The following TSPAN2 variants were observed in gnomAD, a reference collection of about 807,000 sequenced individuals.
TSPAN2 encodes tetraspanin-2.
TSPAN2 carries 24 observed loss-of-function variants against 33.3 expected under a neutral mutation model. The observed-to-expected ratio is 0.72, with a 90% confidence interval of 0.52 to 1.01. The LOEUF is 1.01. TSPAN2 is among the 50% of genes least tolerant of loss of function. TSPAN2 has a pLI of 0.00. For synonymous variants in TSPAN2, 114 were observed against 104.5 expected (o/e 1.09, Z -0.56); for missense variants, 278 against 281.3 (o/e 0.99, Z 0.08).
chr1:115,060,687 T>C, intron 3 of TSPAN2, 149 bp from the exon 4 acceptor site: 1 of 662,604 alleles, frequency 1.5e-6, no homozygotes, highest in Non-Finnish European at 2.7e-6. Context: ...ATTAGGCATT[T>C]ATTCTGCACC....
At chr1:115,051,634 A>G (rs1675317505) in intron 7 of TSPAN2, among the ~76,000 whole-genome samples, 1 of 152,204 alleles carries the variant, frequency 6.6e-6, no homozygotes, top group South Asian at 2.1e-4. Flanking sequence ...AATGGGTACT[A>G]TAACTTTCTG....
intron 6 of TSPAN2, among the ~76,000 whole-genome samples, chr1:115,054,175 T>C (rs1001611435): frequency 3.3e-5 from 5 of 152,188 alleles, no homozygotes; most frequent in Non-Finnish European, 7.3e-5. Flanking sequence ...ACACTCCTAT[T>C]TGGAGTGCTC....
At chr1:115,077,010 TC>T (rs1420472471) in intron 1 of TSPAN2, among the ~76,000 whole-genome samples, 1 of 151,436 alleles carries the variant, frequency 6.6e-6, no homozygotes, top group African/African-American at 2.4e-5. Flanking sequence ...AGCCTCAACT[TC>T]CCGGGCTCTA....
chr1:115,086,104 A>C (rs1436794851), intron 1 of TSPAN2, among the ~76,000 whole-genome samples: 1 of 152,218 alleles, frequency 6.6e-6, no homozygotes, highest in Non-Finnish European at 1.5e-5. Flanking sequence ...AAGAGAGCTA[A>C]CATTTATTGA....
intron 2 of TSPAN2, among the ~76,000 whole-genome samples, chr1:115,072,542 G>T (rs1045777442): frequency 6.6e-6 from 1 of 152,226 alleles, no homozygotes; most frequent in African/African-American, 2.4e-5. Context: ...TACTCCAGGG[G>T]CAATAGGGAG....
intron 1 of TSPAN2, among the ~76,000 whole-genome samples, chr1:115,081,511 G>T (rs761400926): frequency 1.3e-4 from 20 of 152,110 alleles, no homozygotes; most frequent in Admixed American, 5.2e-4. Flanking sequence ...AAACACATGC[G>T]TGCATACGGT....
intron 6 of TSPAN2, among the ~76,000 whole-genome samples, chr1:115,055,280 T>G (rs1346292237): frequency 1.3e-5 from 2 of 152,140 alleles, no homozygotes; most frequent in Non-Finnish European, 2.9e-5. Flanking sequence ...GTATATTGGC[T>G]TTAGTCACAA....
rs1046141452 is a variant in TSPAN2 at position 115,089,445 on chromosome 1, C to G, written c.-13G>C. 6.5e-7 allele frequency: 1 copy of G among 1,545,102 alleles called. No individual in the cohort carries two copies. ...GGAAGCGCCCCATGCTGCGGCCCGG[C>G]GGCGGGATCCCCAGTCCCCAGGCCC... On this transcript the variant is annotated 5_prime_UTR_variant, in exon 1 of 8. Transcript: ENST00000369516.
Position 115,062,601 on chromosome 1 carries a change from G to A in TSPAN2, c.173-369C>T, listed in dbSNP as rs554849424. Among the ~76,000 whole-genome samples the A allele has an allele frequency of 2.6e-5, 4 of 152,276 alleles. No individual in the cohort carries two copies. In the East Asian group the frequency reaches 5.8e-4, roughly 22 times the overall value. On this transcript the variant is annotated intron_variant, in intron 2 of 7. Coordinates refer to ENST00000369516, the MANE Select transcript of TSPAN2 (RefSeq NM_005725.6). ...AGAAAGAAAAGGACAGAAATGCTCT[G>A]GTTCTGAGAGAACTAAAGCCAAGCC...
intron 2 of TSPAN2, among the ~76,000 whole-genome samples, chr1:115,064,465 C>T (rs987260319): frequency 8.5e-5 from 13 of 152,234 alleles, no homozygotes; most frequent in South Asian, 2.1e-4. Context: ...TTTATCCATC[C>T]TATGCTCCAG....
chr1:115,054,751 C>A (rs1428182438), intron 6 of TSPAN2, among the ~76,000 whole-genome samples: 2 of 152,112 alleles, frequency 1.3e-5, no homozygotes, highest in East Asian at 1.9e-4. Flanking sequence ...ACTTGGGAGG[C>A]CGAGATGCGT....
chr1:115,066,053 T>C (rs978500633), intron 2 of TSPAN2, among the ~76,000 whole-genome samples: 2 of 152,212 alleles, frequency 1.3e-5, no homozygotes, highest in African/African-American at 4.8e-5. Flanking sequence ...TCTAGTTCCA[T>C]CCATGCTGCT....
chr1:115,058,088 C>T (rs527477310), intron 5 of TSPAN2: 7 of 170,122 alleles, frequency 4.1e-5, no homozygotes, highest in Non-Finnish European at 7.7e-5. Context: ...AACAGGTGTC[C>T]TGCTTAGGCT....
chr1:115,056,935 C>T (rs1647453841), intron 6 of TSPAN2, among the ~76,000 whole-genome samples: 1 of 152,118 alleles, frequency 6.6e-6, no homozygotes, highest in Non-Finnish European at 1.5e-5. Context: ...TCCCAGTTTC[C>T]TTCTTTGGCA....
chr1:115,089,024 A>C (rs4353093), intron 1 of TSPAN2, among the ~76,000 whole-genome samples: 3 of 151,838 alleles, frequency 2.0e-5, no homozygotes. Context: ...GGGAACAGGG[A>C]CCCAAGTCCT....
At chr1:115,060,276 T>A (rs1328393759) in intron 4 of TSPAN2, among the ~76,000 whole-genome samples, 188 bp downstream of exon 4, 1 of 152,074 alleles carries the variant, frequency 6.6e-6, no homozygotes, top group East Asian at 1.9e-4. Context: ...CCCAGAAAAA[T>A]GTGAGCATGT....
At chr1:115,080,729 C>G (rs1333505814) in intron 1 of TSPAN2, among the ~76,000 whole-genome samples, 1 of 152,212 alleles carries the variant, frequency 6.6e-6, no homozygotes, top group African/African-American at 2.4e-5. Context: ...AACTCAATGT[C>G]TGCCTTACTT....
chr1:115,070,076 G>T (rs1004944320), intron 2 of TSPAN2, among the ~76,000 whole-genome samples: 1 of 152,132 alleles, frequency 6.6e-6, no homozygotes, highest in Non-Finnish European at 1.5e-5. Context: ...TGCTCCCGGG[G>T]AGGTCTTCCA....
chr1:115,088,084 T>C (rs1430515098), intron 1 of TSPAN2, among the ~76,000 whole-genome samples: 2 of 152,198 alleles, frequency 1.3e-5, no homozygotes, highest in African/African-American at 4.8e-5. Context: ...GTATGCTTGA[T>C]GTAAATCCCC....
Sources: allele counts gnomAD v4.1 joint callset (sites outside exome capture counted in the v4.1 genomes callset), GRCh38; gene constraint gnomAD v4.1.1; transcripts MANE v1.5; gene names NCBI Gene and HGNC (gene_info 2026-07-23, HGNC 2026-07-21).